DAAM1: variants seen among roughly 807,000 people sequenced by gnomAD.
DAAM1 encodes dishevelled associated activator of morphogenesis 1.
DAAM1 carries 52 observed loss-of-function variants against 130.0 expected under a neutral mutation model. The ratio of observed to expected loss-of-function variants is 0.40; its 90% CI spans 0.32 to 0.50. The LOEUF is 0.50. Ranked by LOEUF, DAAM1 falls within the 20% of genes least tolerant of loss-of-function variation. The probability of loss-of-function intolerance (pLI) is 0.61; values close to 1 mark genes in which losing one functional copy is unlikely to be tolerated. For missense variants in DAAM1, 1,134 were observed against 1,303.8 expected, an observed-to-expected ratio of 0.87 and a Z score of 2.01; for synonymous variants, 452 against 444.5, an observed-to-expected ratio of 1.02 and a Z score of -0.21.
intron 1 of DAAM1, among the ~76,000 whole-genome samples, chr14:59,237,216 A>G (rs938110752): frequency 6.6e-6 from 1 of 152,240 alleles, no homozygotes; most frequent in African/African-American, 2.4e-5. Flanking sequence ...AAATGTGAAC[A>G]TCTATTCTTG....
chr14:59,271,283 A>G (rs912469612), intron 2 of DAAM1, among the ~76,000 whole-genome samples: 2 of 152,184 alleles, frequency 1.3e-5, no homozygotes, highest in Non-Finnish European at 2.9e-5. Context: ...CACTATTTAT[A>G]CTACCGAGAA....
chr14:59,356,969 C>T (rs1181659794), intron 20 of DAAM1, among the ~76,000 whole-genome samples: 2 of 152,184 alleles, frequency 1.3e-5, no homozygotes, highest in East Asian at 1.9e-4. Flanking sequence ...CACCCATGAA[C>T]GTTGTTCAGT....
At chr14:59,244,561 A>C (rs1881279520) in intron 1 of DAAM1, among the ~76,000 whole-genome samples, 2 of 152,266 alleles carry the variant, frequency 1.3e-5, no homozygotes, top group African/African-American at 2.4e-5. Flanking sequence ...AGTGGACACC[A>C]CTGCCTTCTT....
intron 3 of DAAM1, among the ~76,000 whole-genome samples, chr14:59,307,463 A>C (rs1280203436): frequency 2.0e-5 from 3 of 152,250 alleles, no homozygotes; most frequent in Non-Finnish European, 4.4e-5. Context: ...CTTTTAAAAA[A>C]TTATTCTTTA....
intron 17 of DAAM1, among the ~76,000 whole-genome samples, chr14:59,351,148 C>T (rs1886278993): frequency 6.7e-6 from 1 of 150,308 alleles, no homozygotes; most frequent in Non-Finnish European, 1.5e-5. Context: ...TCATCTTTGA[C>T]TCTTCCTCTC....
chr14:59,209,055 T>C (rs1267577455), intron 1 of DAAM1, among the ~76,000 whole-genome samples: 2 of 152,244 alleles, frequency 1.3e-5, no homozygotes, highest in African/African-American at 4.8e-5. Flanking sequence ...CAGCCTCAGA[T>C]ATTTCTTTAT....
chr14:59,234,917 T>G (rs2139451052), intron 1 of DAAM1, among the ~76,000 whole-genome samples: 1 of 152,316 alleles, frequency 6.6e-6, no homozygotes, highest in East Asian at 1.9e-4. Flanking sequence ...GTTTTTTTCC[T>G]TGGTTCTGTT....
intron 1 of DAAM1, among the ~76,000 whole-genome samples, chr14:59,193,967 G>A (rs933474962): frequency 5.9e-5 from 9 of 152,120 alleles, no homozygotes; most frequent in Non-Finnish European, 1.2e-4. Flanking sequence ...CATGGGCTAC[G>A]TCATTGACTG....
chr14:59,199,997 T>C (rs886905074), intron 1 of DAAM1, among the ~76,000 whole-genome samples: 1 of 152,208 alleles, frequency 6.6e-6, no homozygotes, highest in Non-Finnish European at 1.5e-5. Flanking sequence ...CCTGGATATT[T>C]AGGGATAAAT....
rs546224295 is a variant in DAAM1, at chr14:59,263,644, T to C, written c.167T>C (p.Met56Thr). 6.2e-6 allele frequency: 10 copies of C among 1,614,088 alleles called. No homozygotes were observed. Among genetic ancestry groups the C allele is most frequent in the South Asian group, 1.1e-5 (1 of 91,088 alleles). Reference protein sequence around the residue: ...PMPPVEELDVMFSELVDELDL... With the variant: ...PMPPVEELDVTFSELVDELDL... ...CCCCCTGTGGAGGAGCTGGATGTCA[T>C]GTTCAGTGAACTGGTGGTGAGTCCC... The change falls in exon 2 of 25, where the codon ATG becomes ACG. Residue 56 changes from methionine to threonine, a missense_variant. Met to Thr is a moderately conservative substitution (Grantham distance 81). This residue lies in a region of DAAM1 where 99 missense variants were observed against 86.4 expected (regional missense o/e 1.15). Coordinates refer to ENST00000360909, the MANE Select transcript of DAAM1 (RefSeq NM_001270520.2).
chr14:59,358,094 A>G (rs1367315265), intron 20 of DAAM1, among the ~76,000 whole-genome samples: 1 of 152,246 alleles, frequency 6.6e-6, no homozygotes, highest in Non-Finnish European at 1.5e-5. Flanking sequence ...TTCTAACTTC[A>G]ACAGATAAGT....
intron 2 of DAAM1, among the ~76,000 whole-genome samples, chr14:59,289,042 A>G (rs1475654351): frequency 2.6e-5 from 4 of 152,078 alleles, no homozygotes; most frequent in Non-Finnish European, 5.9e-5. Context: ...CAGCCTCCTG[A>G]GTAGCTGGGA....
intron 3 of DAAM1, among the ~76,000 whole-genome samples, chr14:59,299,180 G>T (rs930661985): frequency 6.6e-6 from 1 of 152,100 alleles, no homozygotes; most frequent in African/African-American, 2.4e-5. Context: ...CCTCATAATT[G>T]TTCCAAACTA....
chr14:59,210,853 TC>T (rs1201642481), intron 1 of DAAM1, among the ~76,000 whole-genome samples: 3 of 152,198 alleles, frequency 2.0e-5, no homozygotes, highest in African/African-American at 7.2e-5. Context: ...AATGAAATAA[TC>T]CAAATATTAT....
chr14:59,358,918 C>T lies in DAAM1; in HGVS notation c.2526-479C>T, dbSNP rs535602403. Among the ~76,000 whole-genome samples, 7 of 152,044 alleles carry T rather than the reference C, an allele frequency of 4.6e-5. No homozygotes were observed. In the South Asian group the frequency reaches 6.2e-4, roughly 14 times the overall value. ...TAGACTTAAGAATAGCTGCCCTTTT[C>T]GGTGGAATAAACATCCCTCACTCTC... On this transcript the variant is annotated intron_variant, in intron 20 of 24. Transcript: ENST00000360909.
chr14:59,235,466 A>G (rs981333901), intron 1 of DAAM1, among the ~76,000 whole-genome samples: 3 of 152,002 alleles, frequency 2.0e-5, no homozygotes, highest in African/African-American at 4.8e-5. Context: ...GGTAGTTTGT[A>G]TTTCTGTGGG....
intron 1 of DAAM1, among the ~76,000 whole-genome samples, chr14:59,196,833 A>C (rs1345673328): frequency 1.3e-5 from 2 of 152,256 alleles, no homozygotes; most frequent in Non-Finnish European, 2.9e-5. Context: ...TAAACTGAAG[A>C]AACTTGCTGC....
chr14:59,201,497 C>A (rs1437196385), intron 1 of DAAM1, among the ~76,000 whole-genome samples: 1 of 152,080 alleles, frequency 6.6e-6, no homozygotes, highest in Non-Finnish European at 1.5e-5. Context: ...TGCCTGTAAT[C>A]CCAGCTACTC....
chr14:59,287,991 C>A (rs1579662), intron 2 of DAAM1, among the ~76,000 whole-genome samples: 34,845 of 151,870 alleles, frequency 0.23, 4,243 homozygotes, highest in East Asian at 0.32. Context: ...AGAACAAAGC[C>A]GGGGGCATCA....
Sources: gnomAD v4.1 joint callset for allele counts (sites outside exome capture counted in the v4.1 genomes callset) on GRCh38, gnomAD v4.1.1 for gene constraint, gnomAD v4.1.1 regional missense constraint, MANE v1.5 for transcripts, NCBI Gene and HGNC (gene_info 2026-07-23, HGNC 2026-07-21) for gene names.